Variants in CFAP20DC observed in about 807,000 individuals in gnomAD.
CFAP20DC encodes the protein protein CFAP20DC.
CFAP20DC carries 84 observed loss-of-function variants against 101.7 expected under a neutral mutation model. That is an observed-to-expected ratio of 0.83 (90% CI 0.69 to 0.99). CFAP20DC has a LOEUF of 0.99. Ranked by LOEUF, CFAP20DC falls within the 50% of genes least tolerant of loss-of-function variation. The pLI is 0.00. For missense variants in CFAP20DC, 1,007 were observed against 970.3 expected (o/e 1.04, Z -0.50); for synonymous variants, 359 against 351.2 (o/e 1.02, Z -0.25).
chr3:58,767,983 G>T (rs573413896), intron 15 of CFAP20DC, among the ~76,000 whole-genome samples: 1 of 152,024 alleles, frequency 6.6e-6, no homozygotes, highest in African/African-American at 2.4e-5. Flanking sequence ...ACTTGTATGC[G>T]TTTCTCCTAC....
rs60955896 is a variant in CFAP20DC, at chr3:58,939,759, A to ATTT, written c.279-2000_279-1998dup. ...AGGTGTGAGTCACCGTGCCCGGCCC[A>ATTT]TTTTTTTTTTTTTTTTTTTTTTTTG... On this transcript the variant is annotated intron_variant, in intron 4 of 16. Transcript: ENST00000482387. Among the ~76,000 whole-genome samples the ATTT allele has an allele frequency of 6.4e-4, 59 of 91,904 alleles. 1 individual carries two copies. Among genetic ancestry groups the ATTT allele is most frequent in the Non-Finnish European group, 8.0e-4 (38 of 47,780 alleles). 60.3% of individuals were successfully genotyped at this position (91,904 alleles called of 152,430 possible). A position where few individuals can be genotyped will look rare whatever the true frequency, so the allele number is the denominator to read the frequency against.
chr3:59,006,091 T>C lies in CFAP20DC; in HGVS notation c.278+33466A>G, dbSNP rs531308796. Among the ~76,000 whole-genome samples, 3 of 152,248 alleles carry C rather than the reference T, an allele frequency of 2.0e-5. No individual in the cohort carries two copies. Among genetic ancestry groups the C allele is most frequent in the East Asian group, 3.9e-4 (2 of 5,188 alleles). On this transcript the variant is annotated intron_variant, in intron 4 of 16. Transcript: ENST00000482387. This position sits in a 1 kb window ranked among gnomAD's most constrained non-coding sequence, Gnocchi z 4.3. Reference sequence around the variant, plus strand: ...TATGTGTTTTTATAAATATGTAATATACTGTGTATATGTATATATACACAC... The same window carrying C: ...TATGTGTTTTTATAAATATGTAATACACTGTGTATATGTATATATACACAC...
intron 4 of CFAP20DC, among the ~76,000 whole-genome samples, chr3:58,951,381 A>G (rs541259983): frequency 1.7e-3 from 263 of 152,346 alleles, no homozygotes; most frequent in Non-Finnish European, 3.1e-3. Flanking sequence ...TAGAAATACC[A>G]TTTGACCCAG....
chr3:59,020,729 T>G (rs2093787010), intron 4 of CFAP20DC, among the ~76,000 whole-genome samples: 1 of 151,988 alleles, frequency 6.6e-6, no homozygotes, highest in African/African-American at 2.4e-5. Context: ...AGGAGAAGCT[T>G]TAAACTCAAT....
chr3:58,943,631 A>C (rs1177166355), intron 4 of CFAP20DC, among the ~76,000 whole-genome samples: 3 of 152,352 alleles, frequency 2.0e-5, no homozygotes, highest in Admixed American at 2.0e-4. Context: ...CAGCACAAAA[A>C]GGCTGAAAAT....
intron 5 of CFAP20DC, among the ~76,000 whole-genome samples, chr3:58,927,712 G>T (rs939055073): frequency 1.3e-5 from 2 of 152,166 alleles, no homozygotes; most frequent in African/African-American, 4.8e-5. Flanking sequence ...AAGAAGTGAA[G>T]AGTGCTTTGG....
At chr3:58,943,853 A>C (rs545151429) in intron 4 of CFAP20DC, among the ~76,000 whole-genome samples, 99 of 152,298 alleles carry the variant, frequency 6.5e-4, no homozygotes, top group African/African-American at 2.4e-3. Flanking sequence ...TGCTAACTAG[A>C]ATAACGAGTT....
intron 12 of CFAP20DC, among the ~76,000 whole-genome samples, chr3:58,854,784 T>G (rs1212595087): frequency 5.3e-5 from 8 of 150,038 alleles, no homozygotes; most frequent in Admixed American, 6.7e-5. Flanking sequence ...GCTAGCCATA[T>G]GTAGAAAGCT....
At chr3:59,019,280 T>C (rs1054231151) in intron 4 of CFAP20DC, among the ~76,000 whole-genome samples, 1 of 152,050 alleles carries the variant, frequency 6.6e-6, no homozygotes, top group Non-Finnish European at 1.5e-5. Flanking sequence ...GGCAGTTGTG[T>C]CTTGGCTAAG....
At chr3:58,718,812 T>A (rs1018742927) in intron 3 of CFAP20DC, among the ~76,000 whole-genome samples, 5 of 152,234 alleles carry the variant, frequency 3.3e-5, no homozygotes, top group Admixed American at 3.3e-4. Context: ...GAAAATCTTG[T>A]TAGTTATATA....
At chr3:58,982,981 T>C (rs1307796077) in intron 4 of CFAP20DC, among the ~76,000 whole-genome samples, 2 of 151,950 alleles carry the variant, frequency 1.3e-5, no homozygotes, top group Non-Finnish European at 2.9e-5. Flanking sequence ...ATAATATGAA[T>C]GAAAGAGCCT....
In CFAP20DC at chr3:59,040,627, AT is replaced by A. The variant is rs377532247; in HGVS notation, c.206-999del. On this transcript the variant is annotated intron_variant, in intron 3 of 16. Transcript: ENST00000482387. ...AGGCAACTAGTCTAAAACTCATGCT[AT>A]TTTATATTATTCCAACTTAGTACGC... Among the ~76,000 whole-genome samples, 34 of 152,178 alleles carry A rather than the reference AT, an allele frequency of 2.2e-4. 1 individual carries two copies. Among genetic ancestry groups the A allele is most frequent in the Middle Eastern group, 3.4e-3 (1 of 294 alleles).
intron 13 of CFAP20DC, among the ~76,000 whole-genome samples, chr3:58,832,238 C>T (rs902091139): frequency 1.3e-5 from 2 of 152,176 alleles, no homozygotes; most frequent in Non-Finnish European, 2.9e-5. Context: ...CAACCATAAA[C>T]TGGGTCAGCT....
chr3:59,041,409 A>G (rs1000801033), intron 3 of CFAP20DC, among the ~76,000 whole-genome samples: 3 of 152,120 alleles, frequency 2.0e-5, no homozygotes. Flanking sequence ...TTATGATACC[A>G]TATGGTGATG....
At position 58,742,350 on chromosome 3, in the gene CFAP20DC, T is replaced by C. The variant is rs955795977; in HGVS notation, c.*110A>G. On this transcript the variant is annotated 3_prime_UTR_variant, in exon 17 of 17. Transcript: ENST00000482387. ...AAATGAATTCGTTTCTCTCAGTTAC[T>C]GTTGATTTTGTGGTCACCCAACACA... 166 of 1,302,730 alleles carry C rather than the reference T, an allele frequency of 1.3e-4. No homozygotes were observed. Among genetic ancestry groups the C allele is most frequent in the Non-Finnish European group, 1.5e-4 (154 of 1,016,280 alleles). The allele number at this position is 1,302,730 out of a possible 1,614,324, so 80.7% of individuals were successfully genotyped here. A position where few individuals can be genotyped will look rare whatever the true frequency, so the allele number is the denominator to read the frequency against.
chr3:58,835,586 A>G (rs1249241497), intron 13 of CFAP20DC, among the ~76,000 whole-genome samples: 1 of 152,334 alleles, frequency 6.6e-6, no homozygotes, highest in African/African-American at 2.4e-5. Flanking sequence ...CTGCATTTCC[A>G]TGACTTTATT....
chr3:58,769,517 G>C (rs1186373224), intron 15 of CFAP20DC, among the ~76,000 whole-genome samples: 1 of 152,168 alleles, frequency 6.6e-6, no homozygotes, highest in African/African-American at 2.4e-5. Flanking sequence ...GGCTAAAAGA[G>C]AAAGACATAT....
At chr3:59,004,065 A>G (rs1306572964) in intron 4 of CFAP20DC, among the ~76,000 whole-genome samples, 3 of 152,190 alleles carry the variant, frequency 2.0e-5, no homozygotes, top group South Asian at 2.1e-4. Context: ...ACTTTCAAAT[A>G]GGGCAAACCT....
chr3:58,759,000 A>C (rs965490168), intron 15 of CFAP20DC, among the ~76,000 whole-genome samples: 5 of 152,128 alleles, frequency 3.3e-5, no homozygotes, highest in African/African-American at 1.2e-4. Flanking sequence ...ATAAACATAC[A>C]TGTGCATGTG....
Sources: gnomAD v4.1 joint callset for allele counts (sites outside exome capture counted in the v4.1 genomes callset) on GRCh38, gnomAD v4.1.1 for gene constraint, Gnocchi (gnomAD v3.1) non-coding constraint, MANE v1.5 for transcripts, NCBI Gene and HGNC (gene_info 2026-07-23, HGNC 2026-07-21) for gene names.